Variants in LMO7 observed in about 807,000 individuals in gnomAD.
LMO7 encodes the protein LIM domain only protein 7.
LMO7 carries 120 observed loss-of-function variants against 206.5 expected under a neutral mutation model. The ratio of observed to expected loss-of-function variants is 0.58; its 90% CI spans 0.50 to 0.68. The LOEUF is 0.68. LMO7 is among the 30% of genes least tolerant of loss of function. The probability of loss-of-function intolerance (pLI) is 0.00; values close to 1 mark genes in which losing one functional copy is unlikely to be tolerated. For missense variants in LMO7, 1,959 were observed against 1,957.9 expected (o/e 1.00, Z -0.01); for synonymous variants, 706 against 681.5 (o/e 1.04, Z -0.56).
intron 14 of LMO7, among the ~76,000 whole-genome samples, chr13:75,822,405 C>T (rs1400816735): frequency 6.6e-6 from 1 of 151,948 alleles, no homozygotes; most frequent in Non-Finnish European, 1.5e-5. Flanking sequence ...GGCAGACCCC[C>T]TTAATGTAGT....
rs141462724 is a variant in LMO7, at chr13:75,638,899, C to G, written c.69+2173C>G. On this transcript the variant is annotated intron_variant, in intron 1 of 30. Transcript: ENST00000377534. The stretch of plus-strand genomic sequence containing the variant: ...GTGTATTTGTAAAGTATTCTTTCCC[C>G]TGCTTGCTGATAGTCTTGCTACATT... 1.8e-3 allele frequency among the ~76,000 whole-genome samples: 276 copies of G among 152,220 alleles called. 2 individuals carry two copies. Among genetic ancestry groups the G allele is most frequent in the African/African-American group, 6.3e-3 (263 of 41,498 alleles).
In LMO7 at chr13:75,821,628, T is replaced by A; in HGVS notation, c.2640+19T>A. ...TTACACGGTAAAAAATGTTCTCGGT[T>A]CATTTAGTCTGTTCTGAAGAGCAAA... On this transcript the variant is annotated intron_variant, in intron 14 of 30. Transcript: ENST00000377534. 6.3e-7 allele frequency: 1 copy of A among 1,587,238 alleles called. No homozygotes were observed. The highest frequency in any genetic ancestry group is 2.2e-5 in the East Asian group (1 of 44,640).
intron 3 of LMO7, among the ~76,000 whole-genome samples, chr13:75,744,935 A>C (rs1439366127): frequency 2.6e-5 from 4 of 152,238 alleles, no homozygotes; most frequent in Non-Finnish European, 4.4e-5. Flanking sequence ...GAAATGCTAG[A>C]GGTGATGAAA....
chr13:75,727,513 T>G (rs1406825477), intron 3 of LMO7, among the ~76,000 whole-genome samples: 1 of 152,074 alleles, frequency 6.6e-6, no homozygotes, highest in Non-Finnish European at 1.5e-5. Context: ...TATTTTCTCC[T>G]GTATCATTTC....
intron 6 of LMO7, among the ~76,000 whole-genome samples, chr13:75,797,720 G>A (rs2054212147): frequency 6.6e-6 from 1 of 152,140 alleles, no homozygotes; most frequent in Admixed American, 6.5e-5. Context: ...AAATAATTTT[G>A]CCTGAGCCCA....
intron 1 of LMO7, chr13:75,688,902 T>C (rs2041233525): frequency 6.6e-6 from 1 of 152,222 alleles, no homozygotes; most frequent in South Asian, 2.1e-4. Flanking sequence ...AGCTGCCTCT[T>C]TATTCTTTAA....
chr13:75,665,991 GA>G (rs796286668), intron 1 of LMO7, among the ~76,000 whole-genome samples: 1 of 152,142 alleles, frequency 6.6e-6, no homozygotes, highest in South Asian at 2.1e-4. Flanking sequence ...ATATTCAGAA[GA>G]AAAATGATAA....
intron 4 of LMO7, among the ~76,000 whole-genome samples, chr13:75,781,847 T>A (rs2051501929): frequency 6.6e-6 from 1 of 152,222 alleles, no homozygotes; most frequent in Admixed American, 6.5e-5. Flanking sequence ...TATCTCATTG[T>A]GGTTTTGATT....
At chr13:75,680,762 T>A (rs1274097569) in intron 1 of LMO7, among the ~76,000 whole-genome samples, 1 of 151,968 alleles carries the variant, frequency 6.6e-6, no homozygotes, top group Non-Finnish European at 1.5e-5. Context: ...GATGTTCCCC[T>A]CCCTGTGTCC....
intron 11 of LMO7, among the ~76,000 whole-genome samples, chr13:75,812,028 A>G (rs2056454386): frequency 6.6e-6 from 1 of 152,152 alleles, no homozygotes. Context: ...AATTTCGGTT[A>G]TTTCTAGGGA....
chr13:75,720,218 T>C (rs2043901795), intron 2 of LMO7, among the ~76,000 whole-genome samples: 1 of 152,228 alleles, frequency 6.6e-6, no homozygotes, highest in Non-Finnish European at 1.5e-5. Flanking sequence ...GTTCCTTGTA[T>C]ATTTTAGATA....
At chr13:75,809,585 A>G (rs962384208) in intron 11 of LMO7, among the ~76,000 whole-genome samples, 6 of 152,190 alleles carry the variant, frequency 3.9e-5, no homozygotes, top group African/African-American at 1.4e-4. Context: ...ATGGAAAAAG[A>G]ATATTAGCAT....
chr13:75,804,316 T>C lies in LMO7; in HGVS notation c.689T>C (p.Phe230Ser). Residue 230 changes from phenylalanine to serine, a missense_variant, in exon 8 of 31, where the codon TTT becomes TCT. Physicochemically the swap from Phe to Ser is radical, Grantham distance 155. Coordinates refer to ENST00000377534, the MANE Select transcript of LMO7 (RefSeq NM_001306080.2). ...TTTGAAAGTGACACAGATTCGGAAT[T>C]TACATTTAAGATGCAGGATTATAAT... The part of the protein sequence containing the change: ...EGFESDTDSE[F>S]TFKMQDYNKD... 2 of 1,613,362 alleles carry C rather than the reference T, an allele frequency of 1.2e-6. No individual in the cohort carries two copies. The highest frequency in any genetic ancestry group is 1.7e-6 in the Non-Finnish European group (2 of 1,179,364).
chr13:75,652,671 G>A (rs1422561636), intron 1 of LMO7, among the ~76,000 whole-genome samples: 1 of 149,960 alleles, frequency 6.7e-6, no homozygotes, highest in African/African-American at 2.5e-5. Context: ...TTATTTTTAG[G>A]TGCACATCAT....
intron 6 of LMO7, among the ~76,000 whole-genome samples, chr13:75,798,941 T>A (rs1434036748): frequency 2.6e-5 from 4 of 152,256 alleles, no homozygotes; most frequent in African/African-American, 9.6e-5. Context: ...AACAAATACG[T>A]GTTTGAGAAA....
intron 1 of LMO7, among the ~76,000 whole-genome samples, chr13:75,655,052 G>T (rs2037923178): frequency 6.6e-6 from 1 of 152,002 alleles, no homozygotes; most frequent in Admixed American, 6.5e-5. Context: ...TGTATTTTTA[G>T]TAGAGACGGG....
At chr13:75,698,135 A>G (rs954855687) in intron 1 of LMO7, among the ~76,000 whole-genome samples, 19 of 152,194 alleles carry the variant, frequency 1.2e-4, no homozygotes, top group African/African-American at 4.6e-4. Flanking sequence ...TTTATATATA[A>G]TGCAAAGATG....
At chr13:75,665,795 G>A (rs1409084897) in intron 1 of LMO7, among the ~76,000 whole-genome samples, 1 of 152,132 alleles carries the variant, frequency 6.6e-6, no homozygotes, top group African/African-American at 2.4e-5. Context: ...CCAAAGTGCT[G>A]GGATTACAAG....
In LMO7 at chr13:75,759,904, G is replaced by A. The variant is rs538884; in HGVS notation, c.211-1028G>A. Reference sequence around the variant, plus strand: ...GAGGTGAGGTTTCAAGGAGGCTCACGCCATAGAGGCAGCATTACCAGCTGC... The same window carrying A: ...GAGGTGAGGTTTCAAGGAGGCTCACACCATAGAGGCAGCATTACCAGCTGC... On this transcript the variant is annotated intron_variant, in intron 3 of 30. Transcript: ENST00000377534. Among the ~76,000 whole-genome samples, 850 of 152,234 alleles carry A rather than the reference G, an allele frequency of 5.6e-3. 16 individuals carry two copies. Among genetic ancestry groups the A allele is most frequent in the African/African-American group, 0.019 (776 of 41,554 alleles).
Sources: gnomAD v4.1 joint callset for allele counts (sites outside exome capture counted in the v4.1 genomes callset) on GRCh38, gnomAD v4.1.1 for gene constraint, MANE v1.5 for transcripts, NCBI Gene and HGNC (gene_info 2026-07-23, HGNC 2026-07-21) for gene names.